The following CDCA7L variants were observed in gnomAD, a reference collection of about 807,000 sequenced individuals.
The protein encoded by CDCA7L is cell division cycle-associated 7-like protein.
In CDCA7L, 44 loss-of-function variants were observed where a neutral mutation model predicts 57.4. That is an observed-to-expected ratio of 0.77 (90% confidence interval 0.60 to 0.98). The LOEUF is 0.98. CDCA7L is among the 50% of genes least tolerant of loss of function. CDCA7L has a pLI of 0.00. For missense variants in CDCA7L, 644 were observed against 580.6 expected, an observed-to-expected ratio of 1.11 and a Z score of -1.12; for synonymous variants, 236 against 202.8, an observed-to-expected ratio of 1.16 and a Z score of -1.39.
chr7:21,928,692 G>T (rs1187140524), intron 1 of CDCA7L, among the ~76,000 whole-genome samples: 1 of 151,556 alleles, frequency 6.6e-6, no homozygotes, highest in African/African-American at 2.4e-5. Flanking sequence ...TCAAGCAGAA[G>T]AAAGGATATC....
In CDCA7L at chr7:21,901,132, G is replaced by C. The variant is rs551275210; in HGVS notation, c.*1190C>G. ...CAGACAAGAAACCAAACAGACCTAC[G>C]AGTGCCCTGTGTATAGAACCAAACT... On this transcript the variant is annotated 3_prime_UTR_variant, in exon 10 of 10. Coordinates refer to ENST00000406877, the MANE Select transcript of CDCA7L (RefSeq NM_018719.5). The C allele has an allele frequency of 4.3e-6, 7 of 1,613,236 alleles. No individual in the cohort carries two copies. Among genetic ancestry groups the C allele is most frequent in the Non-Finnish European group, 5.9e-6 (7 of 1,179,382 alleles).
In CDCA7L at chr7:21,941,025, G is replaced by A. The variant is rs550232644; in HGVS notation, c.24+4756C>T. Among the ~76,000 whole-genome samples, 29 of 152,156 alleles carry A rather than the reference G, an allele frequency of 1.9e-4. No individual in the cohort carries two copies. In the East Asian group the frequency reaches 5.0e-3, roughly 26 times the overall value. On this transcript the variant is annotated intron_variant, in intron 1 of 9. Transcript: ENST00000406877. ...ACTGCTTTCTTTCAGCTAATATAGC[G>A]CAACAAAAGGGGAAATGCCCTAGGA...
At chr7:21,937,615 G>A (rs1786211978) in intron 1 of CDCA7L, among the ~76,000 whole-genome samples, 1 of 151,218 alleles carries the variant, frequency 6.6e-6, no homozygotes, top group Non-Finnish European at 1.5e-5. Context: ...CCTAGCCTAG[G>A]TGACAGAACA....
At chr7:21,924,762 G>T (rs1310095317) in intron 1 of CDCA7L, among the ~76,000 whole-genome samples, 2 of 152,124 alleles carry the variant, frequency 1.3e-5, no homozygotes, top group Non-Finnish European at 2.9e-5. Context: ...TCAAAATTAA[G>T]AACTTCTGCT....
Position 21,904,189 on chromosome 7 carries a change from C to A in CDCA7L, c.1118G>T (p.Cys373Phe). 1 of 1,613,920 alleles carries A rather than the reference C, an allele frequency of 6.2e-7. No individual in the cohort carries two copies. The highest frequency in any genetic ancestry group is 8.5e-7 in the Non-Finnish European group (1 of 1,179,914). The change falls in exon 8 of 10, where the codon TGT (cysteine) becomes TTT (phenylalanine). Residue 373 changes from cysteine (C) to phenylalanine (F), a missense_variant. Cys to Phe is a radical substitution (Grantham distance 205). Coordinates refer to ENST00000406877, the MANE Select transcript of CDCA7L (RefSeq NM_018719.5). ...TCCACAGAACTGTCCTCGCACACCA[C>A]AGCAACCCTGGTTCCGACACACTGT... ...TKTVCRNQGC[C>F]GVRGQFCGPC...
chr7:21,923,337 C>A (rs897919593), intron 1 of CDCA7L, among the ~76,000 whole-genome samples: 1 of 151,878 alleles, frequency 6.6e-6, no homozygotes, highest in Non-Finnish European at 1.5e-5. Context: ...AAAAAAGATA[C>A]AAAAATCAGC....
intron 1 of CDCA7L, among the ~76,000 whole-genome samples, chr7:21,935,723 G>C (rs1786141372): frequency 6.6e-6 from 1 of 152,120 alleles, no homozygotes; most frequent in African/African-American, 2.4e-5. Flanking sequence ...AAATAAAAAG[G>C]ACTGGCCAGG....
chr7:21,933,430 G>T (rs568829479), intron 1 of CDCA7L, among the ~76,000 whole-genome samples: 1 of 152,276 alleles, frequency 6.6e-6, no homozygotes, highest in South Asian at 2.1e-4. Context: ...ACTGGATAAA[G>T]AAAATGTGGC....
intron 1 of CDCA7L, among the ~76,000 whole-genome samples, chr7:21,937,236 T>A (rs142488836): frequency 6.6e-6 from 1 of 152,200 alleles, no homozygotes; most frequent in Non-Finnish European, 1.5e-5. Flanking sequence ...ACAGACTCAA[T>A]GTATTCCTTC....
rs200609513 is a variant in CDCA7L, at chr7:21,901,102, G to A, written c.*1220C>T. ...GGTCATCTTTGCAAAAGCCACCCCCGTGGACAGACAAGAAACCAAACAGAC... is the reference window on the plus strand; with the variant it reads ...GGTCATCTTTGCAAAAGCCACCCCCATGGACAGACAAGAAACCAAACAGAC... On this transcript the variant is annotated 3_prime_UTR_variant, in exon 10 of 10. Transcript: ENST00000406877. The A allele has an allele frequency of 3.5e-4, 567 of 1,613,578 alleles. 2 individuals are homozygous for A. In the Middle Eastern group the frequency reaches 3.8e-3, roughly 11 times the overall value.
At chr7:21,902,653 G>A (rs1784962089) in intron 9 of CDCA7L, 1 of 505,260 alleles carries the variant, frequency 2.0e-6, no homozygotes, top group East Asian at 3.4e-5. Context: ...CTAGGATTAT[G>A]GCTGCCTCTT....
rs931585716 is a variant in CDCA7L at position 21,944,026 on chromosome 7, G to A, written c.24+1755C>T. 3.9e-5 allele frequency among the ~76,000 whole-genome samples: 6 copies of A among 152,268 alleles called. No individual in the cohort carries two copies. In the East Asian group the frequency reaches 9.6e-4, roughly 24 times the overall value. On this transcript the variant is annotated intron_variant, in intron 1 of 9. Transcript: ENST00000406877. The stretch of plus-strand genomic sequence containing the variant: ...AAACATTTTCTGATTACATTCACAA[G>A]GAGCTCCGGAGTGATAAATTCCAGA...
Position 21,908,356 on chromosome 7 carries a change from T to A in CDCA7L, c.455A>T (p.Lys152Met). The A allele has an allele frequency of 1.2e-6, 2 of 1,610,694 alleles. No individual in the cohort carries two copies. The highest frequency in any genetic ancestry group is 1.7e-6 in the Non-Finnish European group (2 of 1,179,142). The change falls in exon 4 of 10, where the codon AAG (lysine) becomes ATG (methionine). Residue 152 changes from lysine (K) to methionine (M), a missense_variant. Transcript: ENST00000406877. The stretch of plus-strand genomic sequence containing the variant: ...GTTTTTATCTGGTTTGTTGGCCAGC[T>A]TCTTGGTGGGGAACTGAAAGGCTAC... Reference protein sequence around the residue: ...LRVAFQFPTKKLANKPDKNSS... With the variant: ...LRVAFQFPTKMLANKPDKNSS...
intron 1 of CDCA7L, among the ~76,000 whole-genome samples, chr7:21,939,695 T>TA: frequency 6.6e-6 from 1 of 152,208 alleles, no homozygotes; most frequent in East Asian, 1.9e-4. Flanking sequence ...CTTCATCCTG[T>TA]AGGACTCTCC....
chr7:21,915,268 C>T (rs1381087175), intron 2 of CDCA7L, among the ~76,000 whole-genome samples: 1 of 152,026 alleles, frequency 6.6e-6, no homozygotes. Flanking sequence ...AGGGGGAAGC[C>T]AGAAAGACAA....
At chr7:21,942,868 A>T (rs1344310308) in intron 1 of CDCA7L, among the ~76,000 whole-genome samples, 4 of 152,188 alleles carry the variant, frequency 2.6e-5, no homozygotes, top group African/African-American at 9.7e-5. Context: ...ATTACATGTT[A>T]AACAACAGGA....
Position 21,902,158 on chromosome 7 carries a change from A to T in CDCA7L, c.*164T>A. ...CCTCTGCTCTGCTGTCTTCCTGAGAAATCTTTGTAAGCATATAAACAATCT... is the reference window on the plus strand; with the variant it reads ...CCTCTGCTCTGCTGTCTTCCTGAGATATCTTTGTAAGCATATAAACAATCT... On this transcript the variant is annotated 3_prime_UTR_variant, in exon 10 of 10. Coordinates refer to ENST00000406877, the MANE Select transcript of CDCA7L (RefSeq NM_018719.5). 1.4e-6 allele frequency: 1 copy of T among 694,568 alleles called. No homozygotes were observed. The highest frequency in any genetic ancestry group is 2.7e-5 in the East Asian group (1 of 37,244). The allele number at this position is 694,568 out of a possible 1,614,324, so 43.0% of individuals were successfully genotyped here. A position where few individuals can be genotyped will look rare whatever the true frequency, so the allele number is the denominator to read the frequency against.
intron 1 of CDCA7L, 153 bp from the exon 2 acceptor site, chr7:21,917,047 C>T (rs1785505068): frequency 1.3e-6 from 1 of 799,346 alleles, no homozygotes; most frequent in African/African-American, 1.7e-5. Context: ...CACTCTTCAG[C>T]TAAGAACTCA....
At chr7:21,940,605 G>C (rs1161888428) in intron 1 of CDCA7L, among the ~76,000 whole-genome samples, 1 of 152,214 alleles carries the variant, frequency 6.6e-6, no homozygotes, top group Non-Finnish European at 1.5e-5. Flanking sequence ...GCGAGCACCT[G>C]AGCCAGCGGT....
Sources: allele counts gnomAD v4.1 joint callset (sites outside exome capture counted in the v4.1 genomes callset), GRCh38; gene constraint gnomAD v4.1.1; transcripts MANE v1.5; gene names NCBI Gene and HGNC (gene_info 2026-07-23, HGNC 2026-07-21).